Variants in NOX4 observed in about 807,000 individuals in gnomAD.
NOX4 encodes kidney oxidase-1.
Under a neutral mutation model 87.6 loss-of-function variants are expected in NOX4, and 69 were observed. That is an observed-to-expected ratio of 0.79 (90% confidence interval 0.65 to 0.96). The LOEUF (loss-of-function observed/expected upper bound fraction) is 0.96, where lower values mean the gene tolerates loss of function less well. Among genes scored for constraint, NOX4 ranks in the 40% least tolerant of loss-of-function variants. NOX4 has a pLI of 0.00. For synonymous variants in NOX4, 275 were observed against 238.2 expected, an observed-to-expected ratio of 1.15 and a Z score of -1.42; for missense variants, 680 against 681.5, an observed-to-expected ratio of 1.00 and a Z score of 0.02.
chr11:89,523,209 A>C, the NOX4 span, among the ~76,000 whole-genome samples: 1 of 152,002 alleles, frequency 6.6e-6, no homozygotes, highest in Admixed American at 6.6e-5. Context: ...TTTTTAGTAG[A>C]CACAGGATTT....
the NOX4 span, among the ~76,000 whole-genome samples, chr11:89,547,868 A>G: frequency 7.2e-5 from 11 of 152,196 alleles, no homozygotes; most frequent in African/African-American, 2.4e-4. Flanking sequence ...GAACCCCAGT[A>G]TTTCCCTAGA....
At chr11:89,584,448 A>T in the NOX4 span, among the ~76,000 whole-genome samples, 1 of 152,190 alleles carries the variant, frequency 6.6e-6, no homozygotes, top group South Asian at 2.1e-4. Flanking sequence ...TTACTCTGTC[A>T]TGTCAACAAC....
intron 13 of NOX4, among the ~76,000 whole-genome samples, chr11:89,354,406 C>T (rs1246567932): frequency 3.9e-5 from 6 of 152,058 alleles, no homozygotes; most frequent in African/African-American, 9.7e-5. Context: ...CAAGGACATA[C>T]GCTTGGGGCA....
At chr11:89,521,556 T>C in the NOX4 span, among the ~76,000 whole-genome samples, 55 of 151,824 alleles carry the variant, frequency 3.6e-4, no homozygotes, top group Admixed American at 5.9e-4. Flanking sequence ...ATTTAAATAA[T>C]GACTTCAAAC....
chr11:89,471,721 ATTGTTT>A (rs1320156398), intron 2 of NOX4, among the ~76,000 whole-genome samples: 1 of 151,826 alleles, frequency 6.6e-6, no homozygotes, highest in African/African-American at 2.4e-5. Flanking sequence ...AACTTTTTTG[ATTGTTT>A]TTGTTTGTTT....
At chr11:89,431,207 A>C (rs1460087851) in intron 7 of NOX4, among the ~76,000 whole-genome samples, 2 of 152,212 alleles carry the variant, frequency 1.3e-5, no homozygotes, top group African/African-American at 4.8e-5. Flanking sequence ...AATTAATTCA[A>C]GATGGATTAA....
intron 12 of NOX4, among the ~76,000 whole-genome samples, chr11:89,366,813 G>A (rs1939033886): frequency 6.6e-6 from 1 of 151,904 alleles, no homozygotes. Flanking sequence ...TTAATGACTG[G>A]TGAATTCTTT....
At chr11:89,536,359 G>T in the NOX4 span, among the ~76,000 whole-genome samples, 4 of 151,736 alleles carry the variant, frequency 2.6e-5, no homozygotes, top group Admixed American at 2.6e-4. Flanking sequence ...TGTTAGCCAG[G>T]ATGGTCTCGA....
the NOX4 span, among the ~76,000 whole-genome samples, chr11:89,588,036 G>A: frequency 6.6e-5 from 10 of 151,998 alleles, no homozygotes; most frequent in South Asian, 1.5e-3. Context: ...TTCTATTCCG[G>A]TGTTAGGATC....
chr11:89,537,478 A>T, the NOX4 span, among the ~76,000 whole-genome samples: 1 of 151,856 alleles, frequency 6.6e-6, no homozygotes, highest in African/African-American at 2.4e-5. Flanking sequence ...CAGTGCTTGT[A>T]AACACCCTTT....
the NOX4 span, among the ~76,000 whole-genome samples, chr11:89,521,125 C>T: frequency 6.6e-6 from 1 of 151,982 alleles, no homozygotes; most frequent in Non-Finnish European, 1.5e-5. Flanking sequence ...CCAACAGTTT[C>T]AATGCTATTC....
intron 2 of NOX4, among the ~76,000 whole-genome samples, chr11:89,474,038 G>A (rs1473819636): frequency 6.6e-6 from 1 of 152,108 alleles, no homozygotes. Context: ...AGTTCAATTG[G>A]CCAACATGCA....
At chr11:89,388,611 G>A (rs1408286744) in intron 11 of NOX4, among the ~76,000 whole-genome samples, 5 of 152,064 alleles carry the variant, frequency 3.3e-5, no homozygotes, top group Non-Finnish European at 7.4e-5. Context: ...CAAATCTGCT[G>A]CATGCAATAT....
At position 89,427,696 on chromosome 11, in the gene NOX4, C is replaced by A. The variant is rs76493360; in HGVS notation, c.548+5088G>T. ...AAAGAGTAAAAAGAAATGAACAAAG[C>A]CTCCAAGAATTATGGGACTATGTGA... On this transcript the variant is annotated intron_variant, in intron 7 of 17. Transcript: ENST00000263317. 3.9e-5 allele frequency among the ~76,000 whole-genome samples: 6 copies of A among 152,224 alleles called. No homozygotes were observed. The East Asian group carries it at 1.2e-3, about 29-fold the overall frequency.
intron 3 of NOX4, 89 bp downstream of exon 3, chr11:89,451,696 G>T: frequency 6.9e-6 from 6 of 866,876 alleles, no homozygotes; most frequent in Middle Eastern, 2.3e-4. Flanking sequence ...CCAGTCAAAA[G>T]TCAGACTATG....
chr11:89,425,752 G>C (rs1335207621), intron 7 of NOX4, among the ~76,000 whole-genome samples: 1 of 151,976 alleles, frequency 6.6e-6, no homozygotes, highest in East Asian at 1.9e-4. Flanking sequence ...GTAGTGAGTA[G>C]ACTTGTGAAA....
chr11:89,438,836 ATTATATATATTATATAATATATTATATAT>A (rs1944279941), intron 6 of NOX4, among the ~76,000 whole-genome samples: 1 of 39,698 alleles, frequency 2.5e-5, no homozygotes, highest in Non-Finnish European at 3.6e-5. Flanking sequence ...TATCTTATAT[ATTATATATATTATATAATATATTATATAT>A]TATATATATA....
intron 2 of NOX4, among the ~76,000 whole-genome samples, chr11:89,455,473 A>C (rs1405562248): frequency 1.3e-5 from 2 of 152,054 alleles, no homozygotes. Context: ...GCCCTAACAC[A>C]GTGGTAGTTT....
At chr11:89,345,804 A>G (rs972321298) in intron 13 of NOX4, among the ~76,000 whole-genome samples, 43 of 152,318 alleles carry the variant, frequency 2.8e-4, no homozygotes, top group African/African-American at 1.0e-3. Flanking sequence ...CCTCAAAATA[A>G]TAAGAGCCAT....
Sources: allele counts gnomAD v4.1 joint callset (sites outside exome capture counted in the v4.1 genomes callset), GRCh38; gene constraint gnomAD v4.1.1; transcripts MANE v1.5; gene names NCBI Gene and HGNC (gene_info 2026-07-23, HGNC 2026-07-21).